Variants in PRRC2C observed in about 807,000 individuals in gnomAD.
PRRC2C encodes the protein protein PRRC2C.
Under a neutral mutation model 317.2 loss-of-function variants are expected in PRRC2C, and 72 were observed. That is an observed-to-expected ratio of 0.23 (90% CI 0.19 to 0.28). The LOEUF (loss-of-function observed/expected upper bound fraction) is 0.28, where lower values mean the gene tolerates loss of function less well. PRRC2C is among the 10% of genes least tolerant of loss of function. The pLI is 1.00. For synonymous variants in PRRC2C, 1,296 were observed against 1,205.9 expected (o/e 1.07, Z -1.55); for missense variants, 3,074 against 3,459.7 (o/e 0.89, Z 2.80).
intron 18 of PRRC2C, among the ~76,000 whole-genome samples, chr1:171,555,739 G>C (rs1408693528): frequency 6.6e-6 from 1 of 152,208 alleles, no homozygotes; most frequent in Non-Finnish European, 1.5e-5. Flanking sequence ...CTGCAGGTCT[G>C]TTGGAATTTG....
In PRRC2C at chr1:171,517,600, G is replaced by A; in HGVS notation, c.536G>A (p.Cys179Tyr). ...GPSLRPPNVA[C>Y]WRDGGKAAGS... ...TCTGCCTTCATACTAGATGTTGCTT[G>A]TTGGAGAGATGGTGGTAAGGCTGCT... The change falls in exon 6 of 35, where the codon TGT (cysteine) becomes TAT (tyrosine). Residue 179 changes from cysteine to tyrosine, a missense_variant. By Grantham distance (194) the Cys-to-Tyr change is radical (BLOSUM62 -2). Around this residue, in one of 11 missense-constraint regions of PRRC2C, gnomAD observed 237 missense variants for 199.5 expected, o/e 1.19. Coordinates refer to ENST00000647382, the MANE Select transcript of PRRC2C (RefSeq NM_001387844.1). 1 of 1,611,688 alleles carries A rather than the reference G, an allele frequency of 6.2e-7. No homozygotes were observed.
At chr1:171,505,571 A>G (rs1670024966) in intron 1 of PRRC2C, among the ~76,000 whole-genome samples, 1 of 151,262 alleles carries the variant, frequency 6.6e-6, no homozygotes, top group African/African-American at 2.4e-5. Context: ...TTTCTTTCTT[A>G]TTTTGCTGGG....
In PRRC2C at chr1:171,586,985, T is replaced by G; in HGVS notation, c.7750-18T>G. On this transcript the variant is annotated intron_variant, in intron 30 of 34. Transcript: ENST00000647382. Reference sequence around the variant, plus strand: ...AACAGAAACAAATTGCTTCAGTTTCTCTTTACTTATTTTCTAGGTTACAGT... The same window carrying G: ...AACAGAAACAAATTGCTTCAGTTTCGCTTTACTTATTTTCTAGGTTACAGT... 1 of 1,547,808 alleles carries G rather than the reference T, an allele frequency of 6.5e-7. No individual in the cohort carries two copies. Among genetic ancestry groups the G allele is most frequent in the Non-Finnish European group, 8.8e-7 (1 of 1,131,600 alleles).
intron 28 of PRRC2C, among the ~76,000 whole-genome samples, chr1:171,581,110 T>TTA (rs1420429672): frequency 6.6e-6 from 1 of 152,252 alleles, no homozygotes; most frequent in African/African-American, 2.4e-5. Context: ...ACCTGTATCA[T>TTA]TACTTATATA....
At chr1:171,496,982 G>C (rs894570260) in intron 1 of PRRC2C, among the ~76,000 whole-genome samples, 1 of 151,876 alleles carries the variant, frequency 6.6e-6, no homozygotes, top group Non-Finnish European at 1.5e-5. Flanking sequence ...GTAGAGACAA[G>C]GTCTCTCCAT....
chr1:171,577,297 T>G, intron 25 of PRRC2C, 137 bp from the exon 26 acceptor site: 1 of 617,744 alleles, frequency 1.6e-6, no homozygotes, highest in Admixed American at 3.0e-5. Context: ...CTACCTCATC[T>G]ACTTTTGGCC....
At chr1:171,538,195 T>G (rs1677221848) in intron 15 of PRRC2C, among the ~76,000 whole-genome samples, 1 of 152,172 alleles carries the variant, frequency 6.6e-6, no homozygotes, top group Admixed American at 6.5e-5. Context: ...AGGCTGGTCT[T>G]GAACTCTTGG....
intron 27 of PRRC2C, 132 bp downstream of exon 27, chr1:171,579,598 AAAATTTAAAATTTTTCCC>A (rs1648045329): frequency 6.4e-6 from 9 of 1,415,260 alleles, no homozygotes; most frequent in Non-Finnish European, 8.3e-6. Flanking sequence ...TTCTATAAGC[AAAATTTAAAATTTTTCCC>A]AAATTTACCA....
intron 6 of PRRC2C, among the ~76,000 whole-genome samples, chr1:171,520,559 GA>G (rs1182923855): frequency 6.6e-6 from 1 of 152,088 alleles, no homozygotes; most frequent in South Asian, 2.1e-4. Flanking sequence ...CAAATTCCTA[GA>G]TTTTAAGCAT....
At chr1:171,532,112 A>G (rs1165798893) in intron 11 of PRRC2C, among the ~76,000 whole-genome samples, 1 of 152,234 alleles carries the variant, frequency 6.6e-6, no homozygotes, top group Non-Finnish European at 1.5e-5. Context: ...CTGGCACAAT[A>G]ATAGGTACAT....
chr1:171,503,880 C>T (rs1214307607), intron 1 of PRRC2C, among the ~76,000 whole-genome samples: 1 of 152,130 alleles, frequency 6.6e-6, no homozygotes, highest in Admixed American at 6.5e-5. Context: ...AGAGAGAGAA[C>T]TTGTACAGGG....
At chr1:171,518,130 G>A (rs796081474) in intron 6 of PRRC2C, among the ~76,000 whole-genome samples, 10 of 152,234 alleles carry the variant, frequency 6.6e-5, no homozygotes, top group Middle Eastern at 3.4e-3. Context: ...ATTATTAACA[G>A]GGATTGCAGA....
At chr1:171,545,270 C>T (rs1250062394) in intron 16 of PRRC2C, among the ~76,000 whole-genome samples, 1 of 152,186 alleles carries the variant, frequency 6.6e-6, no homozygotes, top group Non-Finnish European at 1.5e-5. Context: ...CTGGAAAGAA[C>T]TCTAGGGAGC....
At chr1:171,525,378 G>T (rs926520425) in intron 10 of PRRC2C, among the ~76,000 whole-genome samples, 2 of 152,138 alleles carry the variant, frequency 1.3e-5, no homozygotes, top group African/African-American at 4.8e-5. Flanking sequence ...TCTAAAGTCT[G>T]AATCATTTTG....
chr1:171,529,924 C>G (rs1675453569), intron 11 of PRRC2C, among the ~76,000 whole-genome samples: 1 of 152,160 alleles, frequency 6.6e-6, no homozygotes, highest in Non-Finnish European at 1.5e-5. Context: ...CTGTAATCAC[C>G]CTACTGTGAT....
intron 34 of PRRC2C, chr1:171,591,138 C>G (rs1305512270): frequency 1.0e-6 from 1 of 986,242 alleles, no homozygotes; most frequent in African/African-American, 1.7e-5. Flanking sequence ...ATTTCTGATG[C>G]TCTTCCCCTG....
intron 28 of PRRC2C, among the ~76,000 whole-genome samples, chr1:171,582,030 T>A (rs1436491544): frequency 1.3e-5 from 2 of 152,202 alleles, no homozygotes; most frequent in East Asian, 3.8e-4. Context: ...CTTGTTTGTT[T>A]GTTTGCTTGC....
rs1220262580 is a variant in PRRC2C at position 171,589,817 on chromosome 1, TC to T, written c.8436+213del. On this transcript the variant is annotated intron_variant, in intron 34 of 34. Coordinates refer to ENST00000647382, the MANE Select transcript of PRRC2C (RefSeq NM_001387844.1). ...TTTTCTTTTTGTTTCTTTTTCTTTT[TC>T]TTTTTTTTTGCAACTGTAGTCAGGA... Among the ~76,000 whole-genome samples, 11 of 151,876 alleles carry T rather than the reference TC, an allele frequency of 7.2e-5. 1 individual carries two copies. The highest frequency in any genetic ancestry group is 7.2e-4 in the Admixed American group (11 of 15,244).
intron 1 of PRRC2C, among the ~76,000 whole-genome samples, chr1:171,495,688 G>A (rs1667963341): frequency 1.3e-5 from 2 of 152,196 alleles, no homozygotes; most frequent in South Asian, 4.1e-4. Flanking sequence ...TGTGGATGCT[G>A]ATTCACTTGG....
Sources: allele counts gnomAD v4.1 joint callset (sites outside exome capture counted in the v4.1 genomes callset), GRCh38; gene constraint gnomAD v4.1.1; regional missense constraint gnomAD v4.1.1; transcripts MANE v1.5; gene names NCBI Gene and HGNC (gene_info 2026-07-23, HGNC 2026-07-21).